Variants in ZBTB20 observed in about 807,000 individuals in gnomAD.
The protein encoded by ZBTB20 is zinc finger and BTB domain-containing protein 20.
A neutral mutation model predicts 56.9 loss-of-function variants in ZBTB20; 9 were observed. That is an observed-to-expected ratio of 0.16 (90% CI 0.10 to 0.28). The LOEUF is 0.28. Among genes scored for constraint, ZBTB20 ranks in the 10% least tolerant of loss-of-function variants. The probability of loss-of-function intolerance (pLI) is 1.00; values close to 1 mark genes in which losing one functional copy is unlikely to be tolerated. For missense variants in ZBTB20, 655 were observed against 1,003.0 expected, an observed-to-expected ratio of 0.65 and a Z score of 4.69; for synonymous variants, 417 against 420.7, an observed-to-expected ratio of 0.99 and a Z score of 0.11.
intron 2 of ZBTB20, among the ~76,000 whole-genome samples, chr3:115,046,865 T>C (rs2081352072): frequency 6.6e-6 from 1 of 152,148 alleles, no homozygotes; most frequent in African/African-American, 2.4e-5. Flanking sequence ...TTATAGAGTA[T>C]GGGTTTTTAG....
chr3:114,357,863 C>A (rs1182633933), intron 10 of ZBTB20, among the ~76,000 whole-genome samples: 1 of 152,116 alleles, frequency 6.6e-6, no homozygotes, highest in Non-Finnish European at 1.5e-5. Context: ...AGCAAACAAT[C>A]TTGGCCAAAA....
chr3:115,058,100 C>T (rs142781946), intron 2 of ZBTB20, among the ~76,000 whole-genome samples: 28 of 152,118 alleles, frequency 1.8e-4, no homozygotes, highest in African/African-American at 6.3e-4. Context: ...TAACCACTCC[C>T]GTGATTAAAT....
chr3:114,924,980 CTT>C (rs578028983), intron 3 of ZBTB20, among the ~76,000 whole-genome samples: 5 of 99,902 alleles, frequency 5.0e-5, no homozygotes, highest in African/African-American at 3.7e-5. Flanking sequence ...TTTGGTTCTT[CTT>C]TTTTTTTTTT....
intron 10 of ZBTB20, among the ~76,000 whole-genome samples, chr3:114,361,209 A>C (rs977515962): frequency 9.8e-5 from 15 of 152,324 alleles, no homozygotes; most frequent in African/African-American, 3.6e-4. Context: ...CTAATCCAAA[A>C]GGTTGGCCAT....
chr3:114,544,407 TTCTTTCTTTC>T (rs1482709717), intron 6 of ZBTB20, among the ~76,000 whole-genome samples: 1 of 2,248 alleles, frequency 4.4e-4, no homozygotes, highest in Non-Finnish European at 8.9e-4. Flanking sequence ...ACTAGATTTC[TTCTTTCTTTC>T]TTTCTTTCTT....
At chr3:114,758,009 A>G (rs1211455839) in intron 5 of ZBTB20, among the ~76,000 whole-genome samples, 8 of 152,122 alleles carry the variant, frequency 5.3e-5, no homozygotes, top group Non-Finnish European at 1.2e-4. Flanking sequence ...TTTTAAATCA[A>G]TGTTTTTCAT....
intron 4 of ZBTB20, among the ~76,000 whole-genome samples, chr3:114,802,233 AT>A (rs1429506615): frequency 6.6e-6 from 1 of 151,930 alleles, no homozygotes; most frequent in Non-Finnish European, 1.5e-5. Context: ...ATATGTTTAC[AT>A]CCAATTTCAC....
chr3:114,448,975 G>A (rs1200228099), intron 7 of ZBTB20, among the ~76,000 whole-genome samples: 1 of 152,064 alleles, frequency 6.6e-6, no homozygotes, highest in African/African-American at 2.4e-5. Context: ...AGGTATTACT[G>A]ACTGACACTG....
At chr3:114,389,887 CAAAAAAAAAAAA>C (rs34247337) in intron 7 of ZBTB20, among the ~76,000 whole-genome samples, 1 of 77,630 alleles carries the variant, frequency 1.3e-5, no homozygotes, top group Non-Finnish European at 2.2e-5. Context: ...GAGTCCATCT[CAAAAAAAAAAAA>C]AAAAAAAAAA....
In ZBTB20 at chr3:114,332,068, T is replaced by G. The variant is rs1490996768; in HGVS notation, c.*6937A>C. 2.0e-5 allele frequency: 3 copies of G among 148,462 alleles called. No individual in the cohort carries two copies. Among genetic ancestry groups the G allele is most frequent in the Non-Finnish European group, 4.5e-5 (3 of 67,090 alleles). The allele number at this position is 148,462 out of a possible 1,614,324, so 9.2% of individuals were successfully genotyped here. On this transcript the variant is annotated 3_prime_UTR_variant, in exon 12 of 12. Coordinates refer to ENST00000675478, the MANE Select transcript of ZBTB20 (RefSeq NM_001348800.3). ...ACAGATGCCCCCAAGGTTTTTTTTT[T>G]TTTTTTTTTTTTTTTCTCTCTTGGA...
intron 2 of ZBTB20, among the ~76,000 whole-genome samples, chr3:115,013,374 T>C (rs1017670760): frequency 1.7e-4 from 26 of 151,622 alleles, no homozygotes; most frequent in African/African-American, 6.0e-4. Flanking sequence ...CCGCAGAATT[T>C]AAAGGATCGT....
At chr3:114,738,097 T>C (rs1040737810) in intron 5 of ZBTB20, among the ~76,000 whole-genome samples, 1 of 152,118 alleles carries the variant, frequency 6.6e-6, no homozygotes, top group African/African-American at 2.4e-5. Context: ...TGTGAGACTT[T>C]AAAATTGAGC....
chr3:115,059,975 C>T lies in ZBTB20; in HGVS notation c.-507+11244G>A, dbSNP rs545299980. Among the ~76,000 whole-genome samples the T allele has an allele frequency of 3.3e-5, 5 of 152,172 alleles. No homozygotes were observed. The South Asian group carries it at 6.2e-4, about 19-fold the overall frequency. On this transcript the variant is annotated intron_variant, in intron 2 of 11. Coordinates refer to ENST00000675478, the MANE Select transcript of ZBTB20 (RefSeq NM_001348800.3). The stretch of plus-strand genomic sequence containing the variant: ...TATTCAGTGTTTCATCTTTGAATAA[C>T]CTGAAAATTGTATAGTAATTCCTTA...
chr3:114,537,505 T>C (rs1198777394), intron 6 of ZBTB20, among the ~76,000 whole-genome samples: 1 of 152,162 alleles, frequency 6.6e-6, no homozygotes, highest in Non-Finnish European at 1.5e-5. Context: ...GGAGAGGATG[T>C]GGAGAAATAG....
intron 7 of ZBTB20, among the ~76,000 whole-genome samples, chr3:114,411,392 G>A (rs1341145924): frequency 1.3e-5 from 2 of 152,094 alleles, no homozygotes; most frequent in African/African-American, 2.4e-5. Context: ...GAATAAAAGC[G>A]GGTGGGAATG....
At chr3:114,528,362 T>C (rs768817150) in intron 6 of ZBTB20, among the ~76,000 whole-genome samples, 74 of 152,292 alleles carry the variant, frequency 4.9e-4, no homozygotes, top group Middle Eastern at 3.4e-3. Context: ...ATTTCATCTA[T>C]TCTTGCTCTG....
intron 1 of ZBTB20, among the ~76,000 whole-genome samples, chr3:115,118,751 C>G (rs1435346435): frequency 1.8e-5 from 2 of 111,098 alleles, no homozygotes; most frequent in African/African-American, 7.0e-5. Context: ...GAGTCTCGCT[C>G]TGTCGCCCAG....
chr3:114,526,632 T>G (rs2047249265), intron 6 of ZBTB20, among the ~76,000 whole-genome samples: 1 of 152,196 alleles, frequency 6.6e-6, no homozygotes, highest in South Asian at 2.1e-4. Flanking sequence ...AAAACTAACC[T>G]TTTACCAGGT....
chr3:114,458,226 C>T (rs558469140), intron 7 of ZBTB20, among the ~76,000 whole-genome samples: 5 of 152,266 alleles, frequency 3.3e-5, no homozygotes, highest in South Asian at 2.1e-4. Flanking sequence ...ATAATTACAT[C>T]GTGTCTCTTT....
Sources: gnomAD v4.1 joint callset for allele counts (sites outside exome capture counted in the v4.1 genomes callset) on GRCh38, gnomAD v4.1.1 for gene constraint, MANE v1.5 for transcripts, NCBI Gene and HGNC (gene_info 2026-07-23, HGNC 2026-07-21) for gene names.